The following CACNA1B variants were observed in gnomAD, a reference collection of about 807,000 sequenced individuals.
CACNA1B encodes voltage-dependent N-type calcium channel subunit alpha-1B.
In CACNA1B, 70 loss-of-function variants were observed where a neutral mutation model predicts 247.2. The ratio of observed to expected loss-of-function variants is 0.28; its 90% CI spans 0.23 to 0.35. The LOEUF is 0.35. Among genes scored for constraint, CACNA1B ranks in the 10% least tolerant of loss-of-function variants. The pLI is 1.00. For missense variants in CACNA1B, 2,367 were observed against 3,197.4 expected, an observed-to-expected ratio of 0.74 and a Z score of 6.26; for synonymous variants, 1,231 against 1,294.4, an observed-to-expected ratio of 0.95 and a Z score of 1.05.
intron 39 of CACNA1B, among the ~76,000 whole-genome samples, chr9:138,111,937 A>G (rs1191730793): frequency 8.9e-6 from 1 of 112,890 alleles, no homozygotes; most frequent in Non-Finnish European, 2.0e-5. Context: ...TCTCCGGTAC[A>G]CTTTTTTTTT....
intron 36 of CACNA1B, among the ~76,000 whole-genome samples, chr9:138,093,084 C>T (rs12350398): frequency 0.039 from 5,943 of 152,090 alleles, 347 homozygotes; most frequent in African/African-American, 0.13. Context: ...CCACTTCACA[C>T]CCAGTAGAAT....
chr9:137,937,241 A>G (rs1293705851), intron 6 of CACNA1B, among the ~76,000 whole-genome samples: 1 of 152,146 alleles, frequency 6.6e-6, no homozygotes, highest in African/African-American at 2.4e-5. Context: ...TAAATAAAAA[A>G]CAATAAAAAC....
intron 31 of CACNA1B, among the ~76,000 whole-genome samples, chr9:138,064,111 A>G (rs1238015532): frequency 6.6e-6 from 1 of 152,050 alleles, no homozygotes; most frequent in Non-Finnish European, 1.5e-5. Context: ...TGGAGCCGCA[A>G]TCTCATTTTA....
chr9:137,960,705 C>T (rs547307068), intron 10 of CACNA1B, among the ~76,000 whole-genome samples: 20 of 152,074 alleles, frequency 1.3e-4, no homozygotes, highest in African/African-American at 4.3e-4. Context: ...CTGTCGGTAG[C>T]GGTCGAGGAA....
At position 138,116,839 on chromosome 9, in the gene CACNA1B, G is replaced by C. The variant is rs533153646; in HGVS notation, c.5778-1107G>C. Among the ~76,000 whole-genome samples, 253 of 152,304 alleles carry C rather than the reference G, an allele frequency of 1.7e-3. 1 individual carries two copies. Among genetic ancestry groups the C allele is most frequent in the Middle Eastern group, 3.4e-3 (1 of 294 alleles). On this transcript the variant is annotated intron_variant, in intron 42 of 46. Transcript: ENST00000371372. The stretch of plus-strand genomic sequence containing the variant: ...TCAGCACCAGCCTGCCACTGCGGCC[G>C]CTCTGTGCCTGGTGCCAGCAGGGGC...
rs1334939372 is a variant in CACNA1B at position 138,051,514 on chromosome 9, G to A, written c.3711-578G>A. ...CCCCTTGTTTGTCTTAGTCCACCAT[G>A]CCTCTTGCATTGCCTCTGTATTCGT... is the stretch of plus-strand genomic sequence containing the variant. On this transcript the variant is annotated intron_variant, in intron 24 of 46. Transcript: ENST00000371372. This position sits in a 1 kb window ranked among gnomAD's most constrained non-coding sequence, Gnocchi z 4.3. Among the ~76,000 whole-genome samples, 2 of 122,516 alleles carry A rather than the reference G, an allele frequency of 1.6e-5. No homozygotes were observed. Among genetic ancestry groups the A allele is most frequent in the Non-Finnish European group, 3.2e-5 (2 of 62,018 alleles). The allele number at this position is 122,516 out of a possible 152,430, so 80.4% of individuals were successfully genotyped here.
chr9:138,047,502 C>T (rs1324796692), intron 23 of CACNA1B, 44 bp downstream of exon 23: 2 of 1,395,044 alleles, frequency 1.4e-6, no homozygotes, highest in Non-Finnish European at 2.0e-6. Context: ...TTTTGCTCTC[C>T]CTCCCTCATG....
rs1005648976 is a variant in CACNA1B at position 138,020,542 on chromosome 9, C to T, written c.2268-2469C>T. Among the ~76,000 whole-genome samples, 4 of 152,168 alleles carry T rather than the reference C, an allele frequency of 2.6e-5. No individual in the cohort carries two copies. The highest frequency in any genetic ancestry group is 5.9e-5 in the Non-Finnish European group (4 of 68,026). On this transcript the variant is annotated intron_variant, in intron 18 of 46. Transcript: ENST00000371372. This position sits in a 1 kb window ranked among gnomAD's most constrained non-coding sequence, Gnocchi z 4.1. ...GCAGATTCAGAGACCTAGGGGATAC[C>T]TCCAGAGAGGAACTTGGTGGTGCTG...
intron 3 of CACNA1B, among the ~76,000 whole-genome samples, chr9:137,909,314 C>A (rs1367411143): frequency 2.0e-5 from 3 of 152,044 alleles, no homozygotes; most frequent in Admixed American, 1.3e-4. Flanking sequence ...TTTTTTATTG[C>A]CCCAAACAGA....
intron 3 of CACNA1B, among the ~76,000 whole-genome samples, chr9:137,884,876 CCTT>C (rs1263985698): frequency 4.8e-5 from 7 of 147,280 alleles, no homozygotes; most frequent in Non-Finnish European, 1.1e-4. Flanking sequence ...CTTCCCCTCC[CCTT>C]CTTCCCCCTC....
intron 10 of CACNA1B, among the ~76,000 whole-genome samples, chr9:137,961,190 T>C (rs994130333): frequency 6.6e-6 from 1 of 152,224 alleles, no homozygotes; most frequent in Non-Finnish European, 1.5e-5. Flanking sequence ...ATAATTTGGC[T>C]CTCAGCTTGC....
chr9:137,988,989 A>G (rs891545935), intron 15 of CACNA1B, among the ~76,000 whole-genome samples: 5 of 152,198 alleles, frequency 3.3e-5, no homozygotes, highest in Admixed American at 1.3e-4. Flanking sequence ...GTGAGGAGGA[A>G]GAAAGCAGCT....
Position 138,023,278 on chromosome 9 carries a change from C to T in CACNA1B, c.2535C>T (p.Val845=), listed in dbSNP as rs746033184. The change falls in exon 19 of 47, where the codon GTC becomes GTT. Residue 845 remains valine, a synonymous_variant. Coordinates refer to ENST00000371372, the MANE Select transcript of CACNA1B (RefSeq NM_000718.4). The part of the protein sequence containing the change: ...RPEAAEAPEG[V]DPPRRHHRHR... ...AGGCTGCGGAGGCCCCCGAGGGCGT[C>T]GACCCTCCGCGCAGGCACCACCGGC... 1 of 1,515,662 alleles carries T rather than the reference C, an allele frequency of 6.6e-7. No individual in the cohort carries two copies. The allele number at this position is 1,515,662 out of a possible 1,614,324, so 93.9% of individuals were successfully genotyped here.
At chr9:138,071,408 T>TGGTGCA (rs1960128796) in intron 32 of CACNA1B, among the ~76,000 whole-genome samples, 1 of 152,208 alleles carries the variant, frequency 6.6e-6, no homozygotes, top group African/African-American at 2.4e-5. Context: ...CCAGAGGTGA[T>TGGTGCA]GGTGCAGGTG....
In CACNA1B at chr9:138,046,085, T is replaced by G. The variant is rs560860512; in HGVS notation, c.3414-819T>G. 1.5e-4 allele frequency among the ~76,000 whole-genome samples: 23 copies of G among 152,332 alleles called. No homozygotes were observed. The East Asian group carries it at 4.3e-3, about 28-fold the overall frequency. ...TCCCAGCCTCCTGGTTACTGTGCAC[T>G]CTCACGTTGTGGCTCTGCCAGTAGC... On this transcript the variant is annotated intron_variant, in intron 21 of 46. Coordinates refer to ENST00000371372, the MANE Select transcript of CACNA1B (RefSeq NM_000718.4).
At chr9:138,000,152 G>A (rs1436966326) in intron 15 of CACNA1B, among the ~76,000 whole-genome samples, 3 of 150,452 alleles carry the variant, frequency 2.0e-5, no homozygotes, top group Non-Finnish European at 4.4e-5. Context: ...AGGCTGGAGT[G>A]CAGTGGTGCG....
chr9:138,102,625 C>G lies in CACNA1B; in HGVS notation c.5223-86C>G. 1 of 630,578 alleles carries G rather than the reference C, an allele frequency of 1.6e-6. No individual in the cohort carries two copies. Among genetic ancestry groups the G allele is most frequent in the Non-Finnish European group, 2.8e-6 (1 of 355,398 alleles). 39.1% of individuals were successfully genotyped at this position (630,578 alleles called of 1,614,324 possible). A position where few individuals can be genotyped will look rare whatever the true frequency, so the allele number is the denominator to read the frequency against. Reference sequence around the variant, plus strand: ...TGTCTGCTTCCTCCCTGCCCCTACCCCGCTCCCCTCCCCGCTCCCCTCCTG... The same window carrying G: ...TGTCTGCTTCCTCCCTGCCCCTACCGCGCTCCCCTCCCCGCTCCCCTCCTG... On this transcript the variant is annotated intron_variant, in intron 37 of 46. Transcript: ENST00000371372. The surrounding 1 kb of genome is among the most constrained non-coding windows in gnomAD (Gnocchi z 5.4).
chr9:137,935,896 G>A (rs888874284), intron 6 of CACNA1B, among the ~76,000 whole-genome samples: 7 of 151,952 alleles, frequency 4.6e-5, no homozygotes, highest in African/African-American at 7.3e-5. Flanking sequence ...GCTCACTGTC[G>A]CCCAGGCTGG....
chr9:138,053,671 C>T (rs1477530345), intron 25 of CACNA1B, among the ~76,000 whole-genome samples, 175 bp from the exon 26 acceptor site: 3 of 130,390 alleles, frequency 2.3e-5, no homozygotes, highest in South Asian at 2.6e-4. Flanking sequence ...CCCACCATGG[C>T]TCCACCCCTT....
Sources: gnomAD v4.1 joint callset for allele counts (sites outside exome capture counted in the v4.1 genomes callset) on GRCh38, gnomAD v4.1.1 for gene constraint, Gnocchi (gnomAD v3.1) non-coding constraint, MANE v1.5 for transcripts, NCBI Gene and HGNC (gene_info 2026-07-23, HGNC 2026-07-21) for gene names.